GRIN2A: variants seen among roughly 807,000 people sequenced by gnomAD.
The protein encoded by GRIN2A is glutamate ionotropic receptor NMDA type subunit 2A, also known as glutamate receptor ionotropic, NMDA 2A.
A neutral mutation model predicts 113.4 loss-of-function variants in GRIN2A; 22 were observed. That is an observed-to-expected ratio of 0.19 (90% CI 0.14 to 0.28). The LOEUF is 0.28. Among genes scored for constraint, GRIN2A ranks in the 10% least tolerant of loss-of-function variants. The pLI is 1.00. For synonymous variants in GRIN2A, 827 were observed against 738.4 expected (o/e 1.12, Z -1.94); for missense variants, 1,502 against 1,887.0 (o/e 0.80, Z 3.78).
chr16:10,092,629 C>A (rs2048202325), intron 2 of GRIN2A, among the ~76,000 whole-genome samples: 1 of 152,170 alleles, frequency 6.6e-6, no homozygotes, highest in Non-Finnish European at 1.5e-5. Context: ...ATTTAATGCT[C>A]ATAACAACTC....
intron 10 of GRIN2A, among the ~76,000 whole-genome samples, chr16:9,821,496 A>G (rs1170744813): frequency 6.6e-6 from 1 of 152,190 alleles, no homozygotes; most frequent in Non-Finnish European, 1.5e-5. Flanking sequence ...AGAACAATGG[A>G]CTTTTCAGAA....
At chr16:9,881,259 C>T (rs544733666) in intron 4 of GRIN2A, among the ~76,000 whole-genome samples, 3 of 152,328 alleles carry the variant, frequency 2.0e-5, no homozygotes, top group Non-Finnish European at 4.4e-5. Context: ...TTCCAATTTC[C>T]TTCTTTCCTT....
At chr16:10,137,566 C>A (rs2049223828) in intron 2 of GRIN2A, among the ~76,000 whole-genome samples, 2 of 152,198 alleles carry the variant, frequency 1.3e-5, no homozygotes, top group African/African-American at 4.8e-5. Flanking sequence ...TATTCAGGCA[C>A]TCGATTATTC....
chr16:9,895,474 A>G (rs2043787273), intron 3 of GRIN2A, among the ~76,000 whole-genome samples: 1 of 152,246 alleles, frequency 6.6e-6, no homozygotes, highest in Non-Finnish European at 1.5e-5. Flanking sequence ...AGTACTATAT[A>G]GACTGAGTTT....
chr16:10,034,534 GC>G (rs1286856153), intron 2 of GRIN2A, among the ~76,000 whole-genome samples: 2 of 4,644 alleles, frequency 4.3e-4, no homozygotes, highest in East Asian at 4.3e-3. Context: ...TCAAAAAAAA[GC>G]AAAAAAAAAA....
chr16:10,031,189 A>G (rs10500372), intron 2 of GRIN2A: 30,790 of 152,140 alleles, frequency 0.2, 3,481 homozygotes, highest in East Asian at 0.4. Flanking sequence ...GGCCTTTACA[A>G]TCTGCCTCTT....
chr16:9,821,985 C>T (rs1330661764), intron 10 of GRIN2A, among the ~76,000 whole-genome samples: 1 of 152,140 alleles, frequency 6.6e-6, no homozygotes, highest in South Asian at 2.1e-4. Context: ...GTTAAAATAT[C>T]CTATGGAGTT....
At chr16:9,888,422 T>TGAAAGATA (rs2043628393) in intron 4 of GRIN2A, among the ~76,000 whole-genome samples, 1 of 152,156 alleles carries the variant, frequency 6.6e-6, no homozygotes, top group Non-Finnish European at 1.5e-5. Context: ...TTTAAGCCTG[T>TGAAAGATA]AATCTATTTC....
intron 2 of GRIN2A, among the ~76,000 whole-genome samples, chr16:10,120,425 A>G (rs539289341): frequency 2.0e-5 from 3 of 152,324 alleles, no homozygotes; most frequent in East Asian, 1.9e-4. Context: ...AACTTGACCA[A>G]TTAATCATTT....
chr16:10,064,022 T>G (rs1436941981), intron 2 of GRIN2A, among the ~76,000 whole-genome samples: 3 of 152,188 alleles, frequency 2.0e-5, no homozygotes, highest in African/African-American at 7.2e-5. Flanking sequence ...ATAGGATTGT[T>G]CTGTTCTGCT....
chr16:9,918,297 G>C (rs1468692053), intron 3 of GRIN2A, among the ~76,000 whole-genome samples: 1 of 152,200 alleles, frequency 6.6e-6, no homozygotes, highest in Non-Finnish European at 1.5e-5. Context: ...CCCAGTGGAT[G>C]CCTGAAACTG....
chr16:10,079,266 G>A (rs988370964), intron 2 of GRIN2A, among the ~76,000 whole-genome samples: 1 of 152,220 alleles, frequency 6.6e-6, no homozygotes, highest in African/African-American at 2.4e-5. Context: ...TAAAGGCTGT[G>A]AAAGAAATAA....
chr16:10,071,504 A>C (rs138154656), intron 2 of GRIN2A, among the ~76,000 whole-genome samples: 1 of 152,186 alleles, frequency 6.6e-6, no homozygotes, highest in Non-Finnish European at 1.5e-5. Flanking sequence ...CCCTAATAAC[A>C]CTGTATTGAG....
intron 2 of GRIN2A, among the ~76,000 whole-genome samples, chr16:10,056,847 G>A (rs80170921): frequency 8.5e-5 from 13 of 152,260 alleles, no homozygotes; most frequent in African/African-American, 2.9e-4. Flanking sequence ...TGAACATCTA[G>A]CCTCTAGAAC....
intron 2 of GRIN2A, among the ~76,000 whole-genome samples, chr16:10,108,164 G>C (rs2048533559): frequency 6.6e-6 from 1 of 152,214 alleles, no homozygotes; most frequent in Non-Finnish European, 1.5e-5. Context: ...AGGTTTAATG[G>C]ACTTACAGTA....
At chr16:9,790,466 T>A (rs1252755644) in intron 11 of GRIN2A, among the ~76,000 whole-genome samples, 1 of 152,204 alleles carries the variant, frequency 6.6e-6, no homozygotes, top group African/African-American at 2.4e-5. Flanking sequence ...AATATATAAT[T>A]CTGTTGGTTA....
chr16:10,111,102 T>G (rs754733391), intron 2 of GRIN2A, among the ~76,000 whole-genome samples: 20 of 152,246 alleles, frequency 1.3e-4, no homozygotes, highest in Non-Finnish European at 2.8e-4. Context: ...TTTGGAGGCT[T>G]TCAAGGGATT....
chr16:9,848,456 T>A (rs1454783872), intron 5 of GRIN2A, among the ~76,000 whole-genome samples: 1 of 151,116 alleles, frequency 6.6e-6, no homozygotes, highest in East Asian at 1.9e-4. Context: ...CCTCAAGTAA[T>A]CTGCCCAGCT....
At chr16:10,064,113 G>C (rs1404378955) in intron 2 of GRIN2A, among the ~76,000 whole-genome samples, 1 of 152,146 alleles carries the variant, frequency 6.6e-6, no homozygotes, top group South Asian at 2.1e-4. Flanking sequence ...ACCCATGGTA[G>C]GTTCTCAATC....
Sources: allele counts gnomAD v4.1 joint callset (sites outside exome capture counted in the v4.1 genomes callset), GRCh38; gene constraint gnomAD v4.1.1; transcripts MANE v1.5; gene names NCBI Gene and HGNC (gene_info 2026-07-23, HGNC 2026-07-21).